AOPEP: variants seen among roughly 807,000 people sequenced by gnomAD.
AOPEP encodes the protein aminopeptidase O (putative), also known as aminopeptidase O.
In AOPEP, 77 loss-of-function variants were observed where a neutral mutation model predicts 98.1. The observed-to-expected ratio is 0.78, with a 90% confidence interval of 0.65 to 0.95. The LOEUF is 0.95. AOPEP is among the 40% of genes least tolerant of loss of function. AOPEP has a pLI of 0.00. For synonymous variants in AOPEP, 346 were observed against 365.3 expected, an observed-to-expected ratio of 0.95 and a Z score of 0.60; for missense variants, 1,024 against 1,024.7, an observed-to-expected ratio of 1.00 and a Z score of 0.01.
At chr9:95,097,102 C>G in the AOPEP span, among the ~76,000 whole-genome samples, 2 of 152,204 alleles carry the variant, frequency 1.3e-5, no homozygotes, top group Non-Finnish European at 2.9e-5. Flanking sequence ...GCATCTGGTC[C>G]AAAGTGCTCA....
rs539121578 is a variant in AOPEP at position 94,860,996 on chromosome 9, C to A, written c.1364+59994C>A. Among the ~76,000 whole-genome samples the A allele has an allele frequency of 2.0e-5, 3 of 152,276 alleles. No homozygotes were observed. In the South Asian group the frequency reaches 6.2e-4, roughly 32 times the overall value. On this transcript the variant is annotated intron_variant, in intron 5 of 16. Coordinates refer to ENST00000375315, the MANE Select transcript of AOPEP (RefSeq NM_001193329.3). Reference sequence around the variant, plus strand: ...TCTACAAATTGGGGGCAGTCAGATTCGGTGCTTTTTGCGGTTTCTTTCAGC... The same window carrying A: ...TCTACAAATTGGGGGCAGTCAGATTAGGTGCTTTTTGCGGTTTCTTTCAGC...
intron 10 of AOPEP, among the ~76,000 whole-genome samples, chr9:94,970,793 A>C (rs2059489537): frequency 6.6e-6 from 1 of 151,822 alleles, no homozygotes; most frequent in Non-Finnish European, 1.5e-5. Context: ...TACCTGCAGG[A>C]TATATTTTTT....
chr9:95,109,321 T>C, the AOPEP span, among the ~76,000 whole-genome samples: 1 of 152,196 alleles, frequency 6.6e-6, no homozygotes, highest in Non-Finnish European at 1.5e-5. Context: ...CATTTCCCAT[T>C]GTTGTATTTA....
intron 11 of AOPEP, among the ~76,000 whole-genome samples, chr9:94,997,201 T>G (rs1457857003): frequency 2.0e-5 from 3 of 152,210 alleles, no homozygotes; most frequent in South Asian, 2.1e-4. Context: ...TGTTGAAATC[T>G]TCCACTTCTT....
At chr9:94,982,166 C>T (rs1221983416) in intron 11 of AOPEP, among the ~76,000 whole-genome samples, 1 of 151,930 alleles carries the variant, frequency 6.6e-6, no homozygotes, top group Non-Finnish European at 1.5e-5. Context: ...TACACATTTA[C>T]TTTGGGATAT....
chr9:94,861,482 T>G (rs916863912), intron 5 of AOPEP, among the ~76,000 whole-genome samples: 1 of 152,150 alleles, frequency 6.6e-6, no homozygotes, highest in Non-Finnish European at 1.5e-5. Context: ...TCATCTCCAG[T>G]TGAACTCCCT....
chr9:94,825,352 AG>A (rs1280228331), intron 5 of AOPEP, among the ~76,000 whole-genome samples: 20 of 152,292 alleles, frequency 1.3e-4, no homozygotes, highest in Admixed American at 8.5e-4. Context: ...TCTCCCCTTG[AG>A]AGGGGAGACC....
At chr9:94,727,182 G>A (rs1253757811) in intron 1 of AOPEP, among the ~76,000 whole-genome samples, 2 of 152,174 alleles carry the variant, frequency 1.3e-5, no homozygotes, top group Non-Finnish European at 2.9e-5. Flanking sequence ...AAACCCATCC[G>A]CCTCTTCTTC....
intron 10 of AOPEP, among the ~76,000 whole-genome samples, chr9:94,975,661 C>A (rs2059797465): frequency 6.6e-6 from 1 of 152,240 alleles, no homozygotes; most frequent in African/African-American, 2.4e-5. Context: ...CACGCCACAT[C>A]CATGTGGGCC....
intron 1 of AOPEP, among the ~76,000 whole-genome samples, chr9:94,744,696 T>G (rs1264607102): frequency 7.8e-6 from 1 of 128,942 alleles, no homozygotes; most frequent in African/African-American, 3.2e-5. Flanking sequence ...AGTGAGACTC[T>G]GTCTCAAAAA....
At chr9:94,751,154 C>T (rs539651112) in intron 1 of AOPEP, among the ~76,000 whole-genome samples, 8 of 152,242 alleles carry the variant, frequency 5.3e-5, no homozygotes, top group South Asian at 4.2e-4. Flanking sequence ...AAAACTATAA[C>T]GCAGGAAGCT....
intron 5 of AOPEP, among the ~76,000 whole-genome samples, chr9:94,880,892 G>A (rs1266713783): frequency 6.6e-6 from 1 of 151,978 alleles, no homozygotes; most frequent in African/African-American, 2.4e-5. Context: ...TAGGACCCAC[G>A]AACAAAAAGT....
At chr9:94,904,048 C>T (rs1187094507) in intron 5 of AOPEP, 1 of 151,632 alleles carries the variant, frequency 6.6e-6, no homozygotes, top group Admixed American at 6.6e-5. Flanking sequence ...TTGATGACTA[C>T]ATACCGTAAC....
intron 5 of AOPEP, among the ~76,000 whole-genome samples, chr9:94,848,450 T>TC (rs2043123706): frequency 6.1e-5 from 1 of 16,504 alleles, no homozygotes; most frequent in Non-Finnish European, 1.6e-4. Flanking sequence ...AGACTCCGTC[T>TC]CAAAAAAAAA....
chr9:95,102,941 C>T, the AOPEP span, among the ~76,000 whole-genome samples: 8 of 152,234 alleles, frequency 5.3e-5, no homozygotes, highest in East Asian at 1.9e-4. Flanking sequence ...GCAGCCAGCA[C>T]GGGGGCTCCG....
At chr9:95,136,351 C>G in the AOPEP span, among the ~76,000 whole-genome samples, 1 of 152,022 alleles carries the variant, frequency 6.6e-6, no homozygotes, top group Non-Finnish European at 1.5e-5. Context: ...TCACTGCACT[C>G]CAACCTGGGC....
chr9:95,012,997 G>GGA (rs2062675418), intron 13 of AOPEP, among the ~76,000 whole-genome samples: 1 of 130,760 alleles, frequency 7.6e-6, no homozygotes, highest in Non-Finnish European at 1.6e-5. Flanking sequence ...TGGGGGGGGG[G>GGA]GCAGGGCGAT....
the AOPEP span, among the ~76,000 whole-genome samples, chr9:95,108,419 G>C: frequency 3.3e-5 from 5 of 152,204 alleles, no homozygotes; most frequent in South Asian, 2.1e-4. Context: ...GGTTTAGGAG[G>C]CTATGCCTTT....
chr9:94,935,706 C>T (rs544737416), intron 7 of AOPEP, among the ~76,000 whole-genome samples: 9 of 152,270 alleles, frequency 5.9e-5, no homozygotes, highest in Admixed American at 4.6e-4. Flanking sequence ...GGTGTGCACA[C>T]GGGTGGGGTG....
Sources: gnomAD v4.1 joint callset for allele counts (sites outside exome capture counted in the v4.1 genomes callset) on GRCh38, gnomAD v4.1.1 for gene constraint, MANE v1.5 for transcripts, NCBI Gene and HGNC (gene_info 2026-07-23, HGNC 2026-07-21) for gene names.